Variants in CLCN5 observed in about 807,000 individuals in gnomAD.
CLCN5 encodes the protein Cl-/H+ antiporter 5.
Under a neutral mutation model 54.0 loss-of-function variants are expected in CLCN5, and 17 were observed. The ratio of observed to expected loss-of-function variants is 0.31; its 90% confidence interval spans 0.22 to 0.47. The LOEUF (loss-of-function observed/expected upper bound fraction) is 0.47, where lower values mean the gene tolerates loss of function less well. Among genes scored for constraint, CLCN5 ranks in the 20% least tolerant of loss-of-function variants. The pLI is 1.00. For synonymous variants in CLCN5, 222 were observed against 233.0 expected (o/e 0.95, Z 0.43); for missense variants, 448 against 646.7 (o/e 0.69, Z 3.33).
At chrX:50,063,585 G>C (rs1188184240) in intron 4 of CLCN5, among the ~76,000 whole-genome samples, 4 of 107,546 alleles carry the variant, frequency 3.7e-5, no homozygotes, top group Non-Finnish European at 7.6e-5. Flanking sequence ...GAGGTACAAG[G>C]AGGAACTGGT....
chrX:49,987,943 A>G (rs1021474424), intron 3 of CLCN5, among the ~76,000 whole-genome samples: 4 of 111,406 alleles, frequency 3.6e-5, no homozygotes, highest in Non-Finnish European at 7.5e-5. Flanking sequence ...GAGTTTTGGC[A>G]TTTAAAGTGA....
intron 3 of CLCN5, among the ~76,000 whole-genome samples, chrX:50,027,893 G>A (rs1156351887): frequency 9.0e-6 from 1 of 111,241 alleles, no homozygotes; most frequent in Non-Finnish European, 1.9e-5. Context: ...ATGTGTCAGA[G>A]GCTAAGATTT....
intron 3 of CLCN5, among the ~76,000 whole-genome samples, chrX:50,022,601 C>T (rs1325305403): frequency 1.3e-5 from 1 of 77,327 alleles, no homozygotes; most frequent in Non-Finnish European, 2.2e-5. Context: ...CCTGCTTTCT[C>T]TTATAGGCAT....
intron 3 of CLCN5, among the ~76,000 whole-genome samples, chrX:50,010,933 C>T (rs952830477): frequency 1.4e-4 from 12 of 83,946 alleles, no homozygotes; most frequent in Admixed American, 5.4e-4. Context: ...GAATGGACTC[C>T]TTCTCATTCA....
chrX:50,095,489 C>T lies in CLCN5; in HGVS notation c.*3270C>T, dbSNP rs1934235622. 1 of 112,592 alleles carries T rather than the reference C, an allele frequency of 8.9e-6. No homozygotes were observed. Among genetic ancestry groups the T allele is most frequent in the African/African-American group, 3.2e-5 (1 of 31,022 alleles). The allele number at this position is 112,592 out of a possible 1,213,427, so 9.3% of individuals were successfully genotyped here. The stretch of plus-strand genomic sequence containing the variant: ...GTGGTAAGATCCACAGAACAGATAT[C>T]CTCTGGTAGATAAGCTGACATTGAT... On this transcript the variant is annotated 3_prime_UTR_variant, in exon 15 of 15. Transcript: ENST00000376091.
intron 3 of CLCN5, among the ~76,000 whole-genome samples, chrX:49,928,769 C>T (rs1925484049): frequency 9.0e-6 from 1 of 111,501 alleles, no homozygotes; most frequent in Non-Finnish European, 1.9e-5. Flanking sequence ...ACTAAATATA[C>T]AAAAAGTTAG....
intron 7 of CLCN5, among the ~76,000 whole-genome samples, chrX:50,080,223 C>T (rs1278778007): frequency 1.8e-5 from 2 of 111,300 alleles, no homozygotes; most frequent in East Asian, 5.6e-4. Flanking sequence ...TCCAAAAAAG[C>T]TGGGGGGGTG....
At chrX:49,941,410 T>C (rs1396976655) in intron 3 of CLCN5, among the ~76,000 whole-genome samples, 2 of 111,646 alleles carry the variant, frequency 1.8e-5, no homozygotes, top group Non-Finnish European at 3.8e-5. Flanking sequence ...CAGAATACTT[T>C]ATTATGGAAT....
chrX:49,997,432 C>T (rs1397016352), intron 3 of CLCN5, among the ~76,000 whole-genome samples: 7 of 111,335 alleles, frequency 6.3e-5, no homozygotes, highest in Non-Finnish European at 1.3e-4. Context: ...CCCTTCACAC[C>T]TTACCTCAAT....
At chrX:50,011,287 C>T (rs913087507) in intron 3 of CLCN5, among the ~76,000 whole-genome samples, 3 of 112,183 alleles carry the variant, frequency 2.7e-5, no homozygotes, top group African/African-American at 9.7e-5. Flanking sequence ...GTCTATTAGA[C>T]AGCAGGTATT....
At chrX:50,068,816 G>T (rs1933126892) in intron 4 of CLCN5, among the ~76,000 whole-genome samples, 1 of 111,284 alleles carries the variant, frequency 9.0e-6, no homozygotes, top group Admixed American at 9.6e-5. Context: ...GCTTTGGCTG[G>T]GTGAATTAAA....
chrX:50,079,952 G>C (rs1181868643), intron 7 of CLCN5, among the ~76,000 whole-genome samples: 1 of 111,289 alleles, frequency 9.0e-6, no homozygotes, highest in Non-Finnish European at 1.9e-5. Context: ...ACAAAGAAAG[G>C]TAACTATGGA....
At chrX:50,003,264 A>T (rs180773160) in intron 3 of CLCN5, 1 of 373,516 alleles carries the variant, frequency 2.7e-6, no homozygotes, top group Non-Finnish European at 5.3e-6. Flanking sequence ...GTGCATAGGC[A>T]TGAGCACATG....
intron 3 of CLCN5, among the ~76,000 whole-genome samples, chrX:50,039,236 A>G (rs1262781942): frequency 8.9e-6 from 1 of 112,319 alleles, no homozygotes; most frequent in African/African-American, 3.2e-5. Flanking sequence ...CAAGGCTGCA[A>G]TGAGCAGTAG....
chrX:49,944,323 C>A (rs1178085117), intron 3 of CLCN5, among the ~76,000 whole-genome samples: 12 of 111,638 alleles, frequency 1.1e-4, no homozygotes, highest in Non-Finnish European at 2.3e-4. Flanking sequence ...ATGGGGTTTT[C>A]TAGATATACA....
At position 50,037,195 on chromosome X, in the gene CLCN5, A is replaced by G. The variant is rs781836703; in HGVS notation, c.17-5121A>G. 8.9e-5 allele frequency among the ~76,000 whole-genome samples: 10 copies of G among 112,455 alleles called. 1 individual carries two copies. The highest frequency in any genetic ancestry group is 9.2e-3 in the Middle Eastern group (2 of 218). On this transcript the variant is annotated intron_variant, in intron 3 of 14. Transcript: ENST00000376091. ...CTATTGGAGTTCTTGGTAATTCAGG[A>G]CTGTAGCTTGAGGGAGAAATGAGAG...
At chrX:49,980,928 A>G (rs992441574) in intron 3 of CLCN5, among the ~76,000 whole-genome samples, 3 of 111,820 alleles carry the variant, frequency 2.7e-5, no homozygotes, top group Non-Finnish European at 5.7e-5. Context: ...TTATTTCTCC[A>G]TCAAAATCAT....
intron 3 of CLCN5, among the ~76,000 whole-genome samples, chrX:49,944,506 G>C (rs2147277719): frequency 8.9e-6 from 1 of 111,769 alleles, no homozygotes; most frequent in East Asian, 2.8e-4. Flanking sequence ...AATGCTTCCA[G>C]TTTTTGCCCA....
chrX:49,995,444 A>G (rs889079860), intron 3 of CLCN5, among the ~76,000 whole-genome samples: 1 of 111,832 alleles, frequency 8.9e-6, no homozygotes, highest in African/African-American at 3.3e-5. Flanking sequence ...GCAAGGGTAA[A>G]GTCAGTCCCT....
Sources: gnomAD v4.1 joint callset for allele counts (sites outside exome capture counted in the v4.1 genomes callset) on GRCh38, gnomAD v4.1.1 for gene constraint, MANE v1.5 for transcripts, NCBI Gene and HGNC (gene_info 2026-07-23, HGNC 2026-07-21) for gene names.